BEND6: variants seen among roughly 807,000 people sequenced by gnomAD.
BEND6 encodes the protein BEN domain containing 6.
BEND6 carries 24 observed loss-of-function variants against 31.8 expected under a neutral mutation model. The ratio of observed to expected loss-of-function variants is 0.75; its 90% CI spans 0.55 to 1.06. The LOEUF (loss-of-function observed/expected upper bound fraction) is 1.06. Ranked by LOEUF, BEND6 falls within the 50% of genes least tolerant of loss-of-function variation. BEND6 has a pLI of 0.00. For missense variants in BEND6, 294 were observed against 327.4 expected (o/e 0.90, Z 0.79); for synonymous variants, 109 against 114.6 (o/e 0.95, Z 0.31).
chr6:56,966,441 G>T (rs936275821), intron 1 of BEND6, among the ~76,000 whole-genome samples: 10 of 152,122 alleles, frequency 6.6e-5, no homozygotes, highest in African/African-American at 2.4e-4. Flanking sequence ...ATAATTATTG[G>T]GGGGACAAGT....
At chr6:56,964,964 C>T (rs1370641676) in intron 1 of BEND6, among the ~76,000 whole-genome samples, 1 of 152,226 alleles carries the variant, frequency 6.6e-6, no homozygotes, top group Non-Finnish European at 1.5e-5. Flanking sequence ...CTTGCATTCT[C>T]CATCCTTAAC....
chr6:57,004,503 T>C, intron 3 of BEND6: 1 of 695,112 alleles, frequency 1.4e-6, no homozygotes, highest in Non-Finnish European at 2.6e-6. Context: ...CCTCTGCCGC[T>C]CCAGCTCCGT....
intron 3 of BEND6, among the ~76,000 whole-genome samples, chr6:57,011,294 C>T (rs76777378): frequency 0.027 from 4,147 of 152,198 alleles, 177 homozygotes; most frequent in African/African-American, 0.093. Flanking sequence ...TTCTAGAGAG[C>T]AATTCAGCAA....
chr6:57,019,719 A>G (rs111410936), intron 6 of BEND6, among the ~76,000 whole-genome samples: 2,975 of 152,298 alleles, frequency 0.02, 84 homozygotes, highest in African/African-American at 0.066. Flanking sequence ...AAACATAAAC[A>G]AATCAAAAAA....
intron 3 of BEND6, chr6:57,004,436 G>T: frequency 1.7e-6 from 1 of 584,352 alleles, no homozygotes; most frequent in Non-Finnish European, 3.2e-6. Context: ...ACCCCAGCTG[G>T]CTGCCCATAG....
intron 3 of BEND6, chr6:57,009,834 T>A (rs1827285099): frequency 6.6e-6 from 1 of 152,190 alleles, no homozygotes; most frequent in African/African-American, 2.4e-5. Flanking sequence ...GAAAACGTTA[T>A]GGTCATCTGA....
At chr6:56,993,789 C>T (rs968621607) in intron 3 of BEND6, among the ~76,000 whole-genome samples, 2 of 152,184 alleles carry the variant, frequency 1.3e-5, no homozygotes, top group African/African-American at 4.8e-5. Flanking sequence ...CCTCAAACTC[C>T]TAAGCCTAAG....
chr6:56,994,611 A>G (rs1343908539), intron 3 of BEND6, among the ~76,000 whole-genome samples: 1 of 152,102 alleles, frequency 6.6e-6, no homozygotes, highest in Non-Finnish European at 1.5e-5. Flanking sequence ...GAGGAAGGCA[A>G]TATATGATTT....
chr6:56,976,073 A>T, intron 1 of BEND6: 1 of 350,226 alleles, frequency 2.9e-6, no homozygotes, highest in Non-Finnish European at 5.7e-6. Flanking sequence ...TGTTGGTGAC[A>T]GCAAGGGCCA....
intron 6 of BEND6, among the ~76,000 whole-genome samples, chr6:57,020,790 A>G (rs531976104): frequency 4.7e-5 from 7 of 147,410 alleles, no homozygotes; most frequent in African/African-American, 1.8e-4. Context: ...GCACACTGTT[A>G]TATTTCAGAG....
intron 5 of BEND6, 56 bp downstream of exon 5, chr6:57,017,455 A>G (rs1274081709): frequency 6.3e-5 from 78 of 1,230,558 alleles, no homozygotes; most frequent in Non-Finnish European, 7.8e-5. Flanking sequence ...GTTACCACTC[A>G]AGGTCAAGAT....
rs1298512360 is a variant in BEND6, at chr6:56,955,423, C to G, written c.-138C>G. ...ACCCTCCACCTCCCACCTCCCTGCGCCCCGCCCCGAGGTTGGGGCTTTGAA... is the reference window on the plus strand; with the variant it reads ...ACCCTCCACCTCCCACCTCCCTGCGGCCCGCCCCGAGGTTGGGGCTTTGAA... On this transcript the variant is annotated 5_prime_UTR_variant, in exon 1 of 7. Transcript: ENST00000370746. The G allele has an allele frequency of 1.3e-5, 2 of 152,300 alleles. No homozygotes were observed. Among genetic ancestry groups the G allele is most frequent in the Non-Finnish European group, 2.9e-5 (2 of 68,110 alleles). 9.4% of individuals were successfully genotyped at this position (152,300 alleles called of 1,614,324 possible).
At chr6:56,963,062 G>T (rs1217508673) in intron 1 of BEND6, among the ~76,000 whole-genome samples, 9 of 152,136 alleles carry the variant, frequency 5.9e-5, no homozygotes, top group Admixed American at 2.0e-4. Flanking sequence ...ATTGCCTAAA[G>T]ACCACACACC....
At chr6:56,969,749 A>G (rs1334072802) in intron 1 of BEND6, among the ~76,000 whole-genome samples, 3 of 151,290 alleles carry the variant, frequency 2.0e-5, no homozygotes, top group Non-Finnish European at 1.5e-5. Context: ...TTTTTTTAGA[A>G]TTTCAGAGGT....
At position 57,026,578 on chromosome 6, in the gene BEND6, A is replaced by C; in HGVS notation, c.*506A>C. On this transcript the variant is annotated 3_prime_UTR_variant, in exon 7 of 7. Transcript: ENST00000370746. ...AATTAATGTTGGCAAATATGAGAAC[A>C]ACAAAGTCAGCCCAAAATCTGATAA... 1 of 152,256 alleles carries C rather than the reference A, an allele frequency of 6.6e-6. No homozygotes were observed. Among genetic ancestry groups the C allele is most frequent in the East Asian group, 1.9e-4 (1 of 5,206 alleles). 9.4% of individuals were successfully genotyped at this position (152,256 alleles called of 1,614,324 possible). A position where few individuals can be genotyped will look rare whatever the true frequency, so the allele number is the denominator to read the frequency against.
At chr6:56,988,348 T>C (rs754421574) in intron 2 of BEND6, among the ~76,000 whole-genome samples, 1 of 152,096 alleles carries the variant, frequency 6.6e-6, no homozygotes, top group African/African-American at 2.4e-5. Flanking sequence ...ATCTGCTCTC[T>C]ACCTTCTCTG....
At chr6:56,958,943 TGTC>T (rs1366763481) in intron 1 of BEND6, among the ~76,000 whole-genome samples, 1 of 152,190 alleles carries the variant, frequency 6.6e-6, no homozygotes, top group African/African-American at 2.4e-5. Context: ...AGAGGGTTGT[TGTC>T]TACAATCTTT....
chr6:56,986,764 A>G (rs1048273467), intron 2 of BEND6, among the ~76,000 whole-genome samples: 40 of 152,232 alleles, frequency 2.6e-4, no homozygotes, highest in African/African-American at 9.1e-4. Context: ...GGGGAAAGAT[A>G]TCTGATCTTT....
At chr6:56,971,568 C>T (rs1434696717) in intron 1 of BEND6, among the ~76,000 whole-genome samples, 1 of 152,172 alleles carries the variant, frequency 6.6e-6, no homozygotes, top group Non-Finnish European at 1.5e-5. Flanking sequence ...TCAGTGGCTG[C>T]ACCATCTTAC....
Sources: allele counts gnomAD v4.1 joint callset (sites outside exome capture counted in the v4.1 genomes callset), GRCh38; gene constraint gnomAD v4.1.1; transcripts MANE v1.5; gene names NCBI Gene and HGNC (gene_info 2026-07-23, HGNC 2026-07-21).